The following ALG9 variants were observed in gnomAD, a reference collection of about 807,000 sequenced individuals.
ALG9 encodes ALG9 alpha-1,2-mannosyltransferase.
ALG9 carries 55 observed loss-of-function variants against 81.8 expected under a neutral mutation model. That is an observed-to-expected ratio of 0.67 (90% CI 0.54 to 0.84). The LOEUF is 0.84. Ranked by LOEUF, ALG9 falls within the 40% of genes least tolerant of loss-of-function variation. ALG9 has a pLI of 0.00. For missense variants in ALG9, 629 were observed against 745.0 expected, an observed-to-expected ratio of 0.84 and a Z score of 1.81; for synonymous variants, 278 against 274.3, an observed-to-expected ratio of 1.01 and a Z score of -0.13.
At chr11:111,856,453 T>A (rs1228349812) in intron 6 of ALG9, among the ~76,000 whole-genome samples, 2 of 151,578 alleles carry the variant, frequency 1.3e-5, no homozygotes, top group African/African-American at 2.4e-5. Context: ...ATATACAGAA[T>A]AATTCCATTT....
intron 14 of ALG9, among the ~76,000 whole-genome samples, chr11:111,788,751 C>CAA: frequency 7.8e-6 from 1 of 128,420 alleles, no homozygotes; most frequent in Admixed American, 7.8e-5. Context: ...AGACATTGTC[C>CAA]CAAAAAAAAA....
chr11:111,833,966 G>A (rs560805900), intron 13 of ALG9, among the ~76,000 whole-genome samples: 2 of 152,312 alleles, frequency 1.3e-5, no homozygotes, highest in South Asian at 4.1e-4. Flanking sequence ...TTACCACAAT[G>A]ACGATGAATA....
chr11:111,829,479 A>G (rs541692753), intron 13 of ALG9, among the ~76,000 whole-genome samples: 1 of 152,326 alleles, frequency 6.6e-6, no homozygotes, highest in East Asian at 1.9e-4. Context: ...ACCAAAAGAG[A>G]AAAAGGTAAT....
chr11:111,809,264 C>T (rs987058351), intron 14 of ALG9, among the ~76,000 whole-genome samples: 25 of 152,084 alleles, frequency 1.6e-4, no homozygotes, highest in African/African-American at 5.8e-4. Context: ...CATGGTGACT[C>T]ATGCCTGTAA....
At position 111,838,498 on chromosome 11, in the gene ALG9, A is replaced by G. The variant is rs1033763627; in HGVS notation, c.1174-99T>C. 2.0e-5 allele frequency: 22 copies of G among 1,104,204 alleles called. No individual in the cohort carries two copies. In the African/African-American group the frequency reaches 2.9e-4, roughly 14 times the overall value. 68.4% of individuals were successfully genotyped at this position (1,104,204 alleles called of 1,614,324 possible). A position where few individuals can be genotyped will look rare whatever the true frequency, so the allele number is the denominator to read the frequency against. ...AAAAAGAGGTTCTATTAGGGATCTG[A>G]GCATTTGCCAACAGTGAGGTACCTA... is the stretch of plus-strand genomic sequence containing the variant. On this transcript the variant is annotated intron_variant, in intron 10 of 14. Transcript: ENST00000616540.
intron 13 of ALG9, among the ~76,000 whole-genome samples, chr11:111,815,643 C>T (rs2136495437): frequency 6.6e-6 from 1 of 152,174 alleles, no homozygotes; most frequent in Non-Finnish European, 1.5e-5. Context: ...TAGATTCAGG[C>T]CTGGGTTCTA....
At chr11:111,792,693 A>C (rs1947613787) in intron 14 of ALG9, among the ~76,000 whole-genome samples, 2 of 152,262 alleles carry the variant, frequency 1.3e-5, no homozygotes, top group Admixed American at 1.3e-4. Flanking sequence ...TCAGGAAATA[A>C]GGAGGCATTT....
intron 11 of ALG9, among the ~76,000 whole-genome samples, 160 bp downstream of exon 11, chr11:111,838,089 C>A (rs1006226101): frequency 6.6e-6 from 1 of 152,160 alleles, no homozygotes; most frequent in Non-Finnish European, 1.5e-5. Context: ...TCCTAAGATA[C>A]AGAAGTCATA....
In ALG9 at chr11:111,842,279, A is replaced by C. The variant is rs143323137; in HGVS notation, c.1019-1470T>G. Among the ~76,000 whole-genome samples the C allele has an allele frequency of 3.7e-3, 564 of 152,314 alleles. 1 individual carries two copies. Among genetic ancestry groups the C allele is most frequent in the Non-Finnish European group, 5.1e-3 (345 of 68,026 alleles). On this transcript the variant is annotated intron_variant, in intron 9 of 14. Transcript: ENST00000616540. Reference sequence around the variant, plus strand: ...AGTCCTTTTCTCTTCTGTACCTTAAAGGCTAACGAGTAATCTTTTTTTAAT... The same window carrying C: ...AGTCCTTTTCTCTTCTGTACCTTAACGGCTAACGAGTAATCTTTTTTTAAT...
Position 111,821,314 on chromosome 11 carries a change from C to T in ALG9, c.1603-11541G>A, listed in dbSNP as rs1952329876. ...GCATTACTGTTTGACAGGTGTACTG[C>T]CCCAGTCAAACATCCTACTTGGCAC... On this transcript the variant is annotated intron_variant, in intron 13 of 14. Coordinates refer to ENST00000616540, the MANE Select transcript of ALG9 (RefSeq NM_024740.2). Among the ~76,000 whole-genome samples, 3 of 152,182 alleles carry T rather than the reference C, an allele frequency of 2.0e-5. No homozygotes were observed. In the South Asian group the frequency reaches 6.2e-4, roughly 32 times the overall value.
At chr11:111,860,339 A>G (rs1014590289) in intron 5 of ALG9, among the ~76,000 whole-genome samples, 3 of 152,234 alleles carry the variant, frequency 2.0e-5, no homozygotes, top group African/African-American at 4.8e-5. Context: ...TCTTACTTAC[A>G]TGGTAGGATT....
Position 111,844,735 on chromosome 11 carries a change from A to G in ALG9, c.896-12T>C. 1.2e-6 allele frequency: 2 copies of G among 1,613,276 alleles called. No homozygotes were observed. The highest frequency in any genetic ancestry group is 1.7e-6 in the Non-Finnish European group (2 of 1,179,372). On this transcript the variant is annotated splice_polypyrimidine_tract_variant and intron_variant, in intron 8 of 14. Transcript: ENST00000616540. ...CCAGGGTTCTGTACCTGAGGGAGAC[A>G]TAAAGGTAAGAAATCATTAGTGGAT...
At chr11:111,793,280 C>T (rs1166008066) in intron 14 of ALG9, among the ~76,000 whole-genome samples, 2 of 152,170 alleles carry the variant, frequency 1.3e-5, no homozygotes, top group East Asian at 3.8e-4. Flanking sequence ...CTGCACACGG[C>T]CTGTGATTTT....
At chr11:111,812,986 G>A (rs1483797805) in intron 13 of ALG9, among the ~76,000 whole-genome samples, 1 of 149,688 alleles carries the variant, frequency 6.7e-6, no homozygotes, top group Non-Finnish European at 1.5e-5. Flanking sequence ...AGAACAAAGA[G>A]CCTAGATCAG....
chr11:111,807,189 A>G (rs1950050094), intron 14 of ALG9, among the ~76,000 whole-genome samples: 1 of 152,206 alleles, frequency 6.6e-6, no homozygotes. Flanking sequence ...TCAAAACCCT[A>G]CAGTGGCTCC....
intron 14 of ALG9, among the ~76,000 whole-genome samples, chr11:111,793,570 G>A (rs964384503): frequency 7.2e-5 from 11 of 151,870 alleles, no homozygotes; most frequent in Non-Finnish European, 1.2e-4. Flanking sequence ...GACCATCCTG[G>A]CTAACATGGT....
the ALG9 span, among the ~76,000 whole-genome samples, chr11:111,769,705 C>T: frequency 6.6e-6 from 1 of 151,988 alleles, no homozygotes; most frequent in Non-Finnish European, 1.5e-5. Context: ...GTACTGTTTT[C>T]GATATTAACT....
intron 13 of ALG9, among the ~76,000 whole-genome samples, chr11:111,812,748 A>C (rs1391428641): frequency 6.6e-6 from 1 of 151,382 alleles, no homozygotes; most frequent in African/African-American, 2.4e-5. Flanking sequence ...GAAACCCCGT[A>C]TCTACTAAAA....
chr11:111,831,356 C>T (rs75092070), intron 13 of ALG9, among the ~76,000 whole-genome samples: 1 of 152,068 alleles, frequency 6.6e-6, no homozygotes, highest in Non-Finnish European at 1.5e-5. Context: ...TCCATAGAGA[C>T]AGGGTCTTTA....
Sources: allele counts gnomAD v4.1 joint callset (sites outside exome capture counted in the v4.1 genomes callset), GRCh38; gene constraint gnomAD v4.1.1; transcripts MANE v1.5; gene names NCBI Gene and HGNC (gene_info 2026-07-23, HGNC 2026-07-21).